Variants in TNPO2 observed in about 807,000 individuals in gnomAD.
TNPO2 encodes the protein transportin 2, also known as transportin-2.
TNPO2 carries 16 observed loss-of-function variants against 111.1 expected under a neutral mutation model. That is an observed-to-expected ratio of 0.14 (90% CI 0.10 to 0.22). The LOEUF (loss-of-function observed/expected upper bound fraction) is 0.22, where lower values mean the gene tolerates loss of function less well. Ranked by LOEUF, TNPO2 falls within the 10% of genes least tolerant of loss-of-function variation. The pLI is 1.00. For synonymous variants in TNPO2, 481 were observed against 475.8 expected (o/e 1.01, Z -0.14); for missense variants, 530 against 1,173.7 (o/e 0.45, Z 8.01).
rs1456537346 is a variant in TNPO2, at chr19:12,701,992, G to T, written c.2411+80C>A. On this transcript the variant is annotated intron_variant, in intron 22 of 25. Transcript: ENST00000425528. The surrounding 1 kb of genome is among the most constrained non-coding windows in gnomAD (Gnocchi z 5.0). ...AGGGCAGGGAGTCAGTAGGCAGATGGGGCTGGAAATGCACAGGCGAGGGAG... is the reference window on the plus strand; with the variant it reads ...AGGGCAGGGAGTCAGTAGGCAGATGTGGCTGGAAATGCACAGGCGAGGGAG... The T allele has an allele frequency of 1.4e-6, 2 of 1,479,904 alleles. No homozygotes were observed. Among genetic ancestry groups the T allele is most frequent in the Non-Finnish European group, 1.9e-6 (2 of 1,059,708 alleles). 91.7% of individuals were successfully genotyped at this position (1,479,904 alleles called of 1,614,324 possible). A position where few individuals can be genotyped will look rare whatever the true frequency, so the allele number is the denominator to read the frequency against.
Position 12,718,924 on chromosome 19 carries a change from C to T in TNPO2, c.325+105G>A, listed in dbSNP as rs553745471. 3.0e-4 allele frequency: 430 copies of T among 1,413,202 alleles called. 2 individuals are homozygous for T. The African/African-American group carries it at 5.4e-3, about 18-fold the overall frequency. 87.5% of individuals were successfully genotyped at this position (1,413,202 alleles called of 1,614,324 possible). A position where few individuals can be genotyped will look rare whatever the true frequency, so the allele number is the denominator to read the frequency against. On this transcript the variant is annotated intron_variant, in intron 5 of 25. Transcript: ENST00000425528. Reference sequence around the variant, plus strand: ...CTATCAAATGGCAATAGTAATAGTACTACCATAGAGGGTGCCAGAGCATTC... The same window carrying T: ...CTATCAAATGGCAATAGTAATAGTATTACCATAGAGGGTGCCAGAGCATTC...
intron 18 of TNPO2, among the ~76,000 whole-genome samples, chr19:12,704,487 T>C (rs918282140): frequency 6.6e-6 from 1 of 152,202 alleles, no homozygotes; most frequent in Non-Finnish European, 1.5e-5. Context: ...GTCAACAGTA[T>C]GGGAATAGTT....
Position 12,719,005 on chromosome 19 carries a change from G to A in TNPO2, c.325+24C>T, listed in dbSNP as rs1403668172. On this transcript the variant is annotated intron_variant, in intron 5 of 25. Transcript: ENST00000425528. The surrounding 1 kb of genome is among the most constrained non-coding windows in gnomAD (Gnocchi z 5.0). Reference sequence around the variant, plus strand: ...GTGAGAGTTCAGTGTGTCCTCAGAGGCCAACCCCCGCTGCCCCTCTCACCA... The same window carrying A: ...GTGAGAGTTCAGTGTGTCCTCAGAGACCAACCCCCGCTGCCCCTCTCACCA... The A allele has an allele frequency of 3.1e-6, 5 of 1,611,502 alleles. No individual in the cohort carries two copies. Among genetic ancestry groups the A allele is most frequent in the Non-Finnish European group, 4.2e-6 (5 of 1,179,498 alleles).
Position 12,719,822 on chromosome 19 carries a change from G to A in TNPO2, c.100-486C>T, listed in dbSNP as rs1369355480. On this transcript the variant is annotated intron_variant, in intron 3 of 25. Coordinates refer to ENST00000425528, the MANE Select transcript of TNPO2 (RefSeq NM_001382241.1). The surrounding 1 kb of genome is among the most constrained non-coding windows in gnomAD (Gnocchi z 5.0). ...TTGAAAAAAAAAAAAATCATACAAG[G>A]AGTTGGGTGGAAATGTCTGAGTTTC... is the stretch of plus-strand genomic sequence containing the variant. Among the ~76,000 whole-genome samples the A allele has an allele frequency of 6.6e-6, 1 of 151,002 alleles. No homozygotes were observed. The highest frequency in any genetic ancestry group is 1.5e-5 in the Non-Finnish European group (1 of 67,950).
chr19:12,706,725 C>T lies in TNPO2; in HGVS notation c.1341G>A (p.Lys447=), dbSNP rs1340008002. Residue 447 remains lysine (K), a synonymous_variant, in exon 14 of 26, where the codon AAG becomes AAA. Transcript: ENST00000425528. This position sits in a 1 kb window ranked among gnomAD's most constrained non-coding sequence, Gnocchi z 7.0. ...AGGCGATGGAGCGGACCAAGGCCTT[C>T]TTATCCGACAGGCACTGGATCAGGT... is the stretch of plus-strand genomic sequence containing the variant. ...IPHLIQCLSD[K]KALVRSIACW... 2 of 1,613,564 alleles carry T rather than the reference C, an allele frequency of 1.2e-6. No homozygotes were observed. The highest frequency in any genetic ancestry group is 1.7e-6 in the Non-Finnish European group (2 of 1,179,808).
Position 12,705,357 on chromosome 19 carries a change from C to T in TNPO2, c.1905G>A (p.Lys635=), listed in dbSNP as rs200047778. ...GATCCAGTGCTACGATCATGAAGTCCTTGTCGGGAGCCTCATACTGCTCAG... is the reference window on the plus strand; with the variant it reads ...GATCCAGTGCTACGATCATGAAGTCTTTGTCGGGAGCCTCATACTGCTCAG... ...QHPEQYEAPD[K]DFMIVALDLL... The change falls in exon 18 of 26, where the codon AAG becomes AAA. Residue 635 remains lysine (K), a synonymous_variant. Transcript: ENST00000425528. This position sits in a 1 kb window ranked among gnomAD's most constrained non-coding sequence, Gnocchi z 7.2. The T allele has an allele frequency of 1.3e-6, 2 of 1,588,522 alleles. No homozygotes were observed. Among genetic ancestry groups the T allele is most frequent in the African/African-American group, 1.3e-5 (1 of 74,450 alleles).
Position 12,706,512 on chromosome 19 carries a change from C to T in TNPO2, c.1496+58G>A. The T allele has an allele frequency of 3.8e-6, 6 of 1,596,330 alleles. No homozygotes were observed. Among genetic ancestry groups the T allele is most frequent in the Non-Finnish European group, 5.2e-6 (6 of 1,164,474 alleles). ...ACATCAACAGTCACAGGTGTCATCA[C>T]TTCCCAGAGGGTGGCCGGGGGAGAG... On this transcript the variant is annotated intron_variant, in intron 14 of 25. Coordinates refer to ENST00000425528, the MANE Select transcript of TNPO2 (RefSeq NM_001382241.1). The surrounding 1 kb of genome is among the most constrained non-coding windows in gnomAD (Gnocchi z 7.0).
chr19:12,712,439 A>C (rs1226597530), intron 10 of TNPO2, among the ~76,000 whole-genome samples: 2 of 152,156 alleles, frequency 1.3e-5, no homozygotes, highest in Admixed American at 1.3e-4. Context: ...CGGAGGCCTA[A>C]CCGTCTCCCT....
intron 10 of TNPO2, among the ~76,000 whole-genome samples, chr19:12,713,467 TCA>T (rs74180100): frequency 0.27 from 40,584 of 150,674 alleles, 6,496 homozygotes; most frequent in Middle Eastern, 0.39. Flanking sequence ...TAGTGAGACC[TCA>T]CCTCTAATGA....
chr19:12,705,015 A>T lies in TNPO2; in HGVS notation c.2022+225T>A, dbSNP rs186863386. On this transcript the variant is annotated intron_variant, in intron 18 of 25. Transcript: ENST00000425528. The surrounding 1 kb of genome is among the most constrained non-coding windows in gnomAD (Gnocchi z 7.2). ...TTCAATACTGTTTGCTTTAAAAAAA[A>T]TTTTTTTTTTTAATTTTAGAACTGG... is the stretch of plus-strand genomic sequence containing the variant. Among the ~76,000 whole-genome samples the T allele has an allele frequency of 0.011, 1,620 of 149,076 alleles. 21 individuals carry two copies. The highest frequency in any genetic ancestry group is 0.022 in the African/African-American group (875 of 40,686).
chr19:12,722,855 G>C (rs570768130), intron 2 of TNPO2, among the ~76,000 whole-genome samples: 1 of 152,366 alleles, frequency 6.6e-6, no homozygotes, highest in Admixed American at 6.5e-5. Flanking sequence ...CTGGAGCCAG[G>C]AGTTTGGTAG....
rs1038383941 is a variant in TNPO2 at position 12,699,701 on chromosome 19, G to C, written c.*1563C>G. 6.6e-6 allele frequency: 1 copy of C among 150,762 alleles called. No individual in the cohort carries two copies. Among genetic ancestry groups the C allele is most frequent in the Non-Finnish European group, 1.5e-5 (1 of 67,692 alleles). The allele number at this position is 150,762 out of a possible 1,614,324, so 9.3% of individuals were successfully genotyped here. ...AAATGGCTTCCAGAGACCTGCTCGA[G>C]TTTCATGGGGTGGGCGTGCAGGGAC... On this transcript the variant is annotated 3_prime_UTR_variant, in exon 26 of 26. Coordinates refer to ENST00000425528, the MANE Select transcript of TNPO2 (RefSeq NM_001382241.1).
chr19:12,710,605 G>C lies in TNPO2; in HGVS notation c.1270+16C>G, dbSNP rs2025980928. ...GTCTCATGCCAGCACAGGGCTCAGAGATCAGGCGCACTCACCCTCAGCAAT... is the reference window on the plus strand; with the variant it reads ...GTCTCATGCCAGCACAGGGCTCAGACATCAGGCGCACTCACCCTCAGCAAT... On this transcript the variant is annotated intron_variant, in intron 13 of 25. Coordinates refer to ENST00000425528, the MANE Select transcript of TNPO2 (RefSeq NM_001382241.1). 6.2e-7 allele frequency: 1 copy of C among 1,611,584 alleles called. No homozygotes were observed. The highest frequency in any genetic ancestry group is 8.5e-7 in the Non-Finnish European group (1 of 1,179,032).
chr19:12,719,244 G>A lies in TNPO2; in HGVS notation c.175+17C>T, dbSNP rs1380393498. 4 of 1,613,992 alleles carry A rather than the reference G, an allele frequency of 2.5e-6. No individual in the cohort carries two copies. In the South Asian group the frequency reaches 4.4e-5, roughly 18 times the overall value. On this transcript the variant is annotated intron_variant, in intron 4 of 25. Transcript: ENST00000425528. This position sits in a 1 kb window ranked among gnomAD's most constrained non-coding sequence, Gnocchi z 5.0. ...AAAGCAGGGTCCCGATCGCATGGAAGGGAGCAGAGGGCGTACCTTCTGACT... is the reference window on the plus strand; with the variant it reads ...AAAGCAGGGTCCCGATCGCATGGAAAGGAGCAGAGGGCGTACCTTCTGACT...
Position 12,701,830 on chromosome 19 carries a change from G to A in TNPO2, c.2433C>T (p.Ile811=), listed in dbSNP as rs200768460. 16 of 1,613,190 alleles carry A rather than the reference G, an allele frequency of 9.9e-6. No homozygotes were observed. The highest frequency in any genetic ancestry group is 1.3e-5 in the Non-Finnish European group (15 of 1,179,602). The change falls in exon 23 of 26, where the codon ATC becomes ATT. Residue 811 remains isoleucine, a synonymous_variant. Coordinates refer to ENST00000425528, the MANE Select transcript of TNPO2 (RefSeq NM_001382241.1). The surrounding 1 kb of genome is among the most constrained non-coding windows in gnomAD (Gnocchi z 5.0). ...CTGAGTCCTTCTCCTCGTTGTCCCT[G>A]ATGTTCCTGAGGGACGTGCACCTGT... The part of the protein sequence containing the change: ...IRPWCTSLRN[I]RDNEEKDSAF...
chr19:12,708,379 G>A (rs1271945488), intron 13 of TNPO2, among the ~76,000 whole-genome samples: 7 of 150,192 alleles, frequency 4.7e-5, no homozygotes, highest in African/African-American at 9.8e-5. Flanking sequence ...TGATCCACCC[G>A]CCTTGGCCTC....
Position 12,702,724 on chromosome 19 carries a change from G to A in TNPO2, c.2305+99C>T, listed in dbSNP as rs1056894216. The A allele has an allele frequency of 7.4e-6, 8 of 1,085,634 alleles. No individual in the cohort carries two copies. The South Asian group carries it at 1.1e-4, about 15-fold the overall frequency. 67.3% of individuals were successfully genotyped at this position (1,085,634 alleles called of 1,614,324 possible). A position where few individuals can be genotyped will look rare whatever the true frequency, so the allele number is the denominator to read the frequency against. On this transcript the variant is annotated intron_variant, in intron 21 of 25. Transcript: ENST00000425528. This position sits in a 1 kb window ranked among gnomAD's most constrained non-coding sequence, Gnocchi z 5.5. ...CCAGGTACTTCCAGACACCCTCCTTGGTTCCTTGACAAGGCTCTTTCTGAT... is the reference window on the plus strand; with the variant it reads ...CCAGGTACTTCCAGACACCCTCCTTAGTTCCTTGACAAGGCTCTTTCTGAT...
rs1966910572 is a variant in TNPO2, at chr19:12,721,197, AG to A, written c.-13-208del. 7.3e-7 allele frequency: 1 copy of A among 1,378,002 alleles called. No individual in the cohort carries two copies. Among genetic ancestry groups the A allele is most frequent in the Non-Finnish European group, 9.3e-7 (1 of 1,072,506 alleles). The allele number at this position is 1,378,002 out of a possible 1,614,324, so 85.4% of individuals were successfully genotyped here. On this transcript the variant is annotated intron_variant, in intron 2 of 25. Transcript: ENST00000425528. This position sits in a 1 kb window ranked among gnomAD's most constrained non-coding sequence, Gnocchi z 4.9. ...GCAGTCGCGGGCTCGGGAGCGCGGG[AG>A]GGGGGATGTGGAAACGGGCCACAGG...
At chr19:12,718,831 A>C (rs1483851270) in intron 5 of TNPO2, among the ~76,000 whole-genome samples, 198 bp downstream of exon 5, 2 of 152,230 alleles carry the variant, frequency 1.3e-5, no homozygotes, top group Non-Finnish European at 2.9e-5. Context: ...GCACTGCCTC[A>C]GCTGTTTCTG....
Sources: allele counts gnomAD v4.1 joint callset (sites outside exome capture counted in the v4.1 genomes callset), GRCh38; gene constraint gnomAD v4.1.1; non-coding constraint Gnocchi (gnomAD v3.1); transcripts MANE v1.5; gene names NCBI Gene and HGNC (gene_info 2026-07-23, HGNC 2026-07-21).